The following TBR1 variants were observed in gnomAD, a reference collection of about 807,000 sequenced individuals.
The protein encoded by TBR1 is T-box brain protein 1.
TBR1 carries 7 observed loss-of-function variants against 60.3 expected under a neutral mutation model. The ratio of observed to expected loss-of-function variants is 0.12; its 90% CI spans 0.07 to 0.22. TBR1 has a LOEUF of 0.22. Among genes scored for constraint, TBR1 ranks in the 10% least tolerant of loss-of-function variants. The pLI, the probability that TBR1 is intolerant of heterozygous loss-of-function variation, is 1.00. For synonymous variants in TBR1, 417 were observed against 409.9 expected, an observed-to-expected ratio of 1.02 and a Z score of -0.21; for missense variants, 616 against 936.8, an observed-to-expected ratio of 0.66 and a Z score of 4.47.
chr2:161,424,079 A>C lies in TBR1; in HGVS notation c.1901A>C (p.Gln634Pro). The part of the protein sequence containing the change: ...IDSSDSGIYE[Q>P]AKRRRISPAD... ...TCCAGCGACTCGGGGATTTACGAGC[A>C]GGCCAAGCGGAGGCGGATCTCGCCG... Residue 634 changes from glutamine to proline, a missense_variant, in exon 6 of 6, where the codon CAG becomes CCG. This residue lies in a region of TBR1 where 210 missense variants were observed against 297.4 expected (regional missense o/e 0.71). Transcript: ENST00000389554. This position sits in a 1 kb window ranked among gnomAD's most constrained non-coding sequence, Gnocchi z 4.4. 1 of 1,611,516 alleles carries C rather than the reference A, an allele frequency of 6.2e-7. No individual in the cohort carries two copies. Among genetic ancestry groups the C allele is most frequent in the Non-Finnish European group, 8.5e-7 (1 of 1,179,214 alleles).
Position 161,416,356 on chromosome 2 carries a change from T to C in TBR1, c.-55T>C, listed in dbSNP as rs1684121639. On this transcript the variant is annotated 5_prime_UTR_variant, in exon 1 of 6. Coordinates refer to ENST00000389554, the MANE Select transcript of TBR1 (RefSeq NM_006593.4). This position sits in a 1 kb window ranked among gnomAD's most constrained non-coding sequence, Gnocchi z 6.1. Reference sequence around the variant, plus strand: ...GGGTCTGTGGATTTCTAGTTTATGATAAATAGGACTTTAAAAACCAGGGAC... The same window carrying C: ...GGGTCTGTGGATTTCTAGTTTATGACAAATAGGACTTTAAAAACCAGGGAC... The C allele has an allele frequency of 1.4e-6, 2 of 1,395,668 alleles. No individual in the cohort carries two copies. The highest frequency in any genetic ancestry group is 2.0e-6 in the Non-Finnish European group (2 of 1,025,034). The allele number at this position is 1,395,668 out of a possible 1,614,324, so 86.5% of individuals were successfully genotyped here. A position where few individuals can be genotyped will look rare whatever the true frequency, so the allele number is the denominator to read the frequency against.
chr2:161,418,742 C>A, intron 3 of TBR1, 150 bp from the exon 4 acceptor site: 1 of 1,103,852 alleles, frequency 9.1e-7, no homozygotes, highest in Non-Finnish European at 1.3e-6. Flanking sequence ...AGCCAGCCGC[C>A]AGCCAGGCGA....
chr2:161,423,033 G>A (rs937459461), intron 5 of TBR1: 13 of 243,676 alleles, frequency 5.3e-5, no homozygotes, highest in African/African-American at 2.9e-4. Flanking sequence ...TGGAGAAGTG[G>A]GATGAAAGTC....
At position 161,424,809 on chromosome 2, in the gene TBR1, G is replaced by C. The variant is rs1684296029; in HGVS notation, c.*582G>C. 6.6e-6 allele frequency: 1 copy of C among 152,608 alleles called. No homozygotes were observed. Among genetic ancestry groups the C allele is most frequent in the South Asian group, 2.1e-4 (1 of 4,830 alleles). 9.5% of individuals were successfully genotyped at this position (152,608 alleles called of 1,614,324 possible). ...TAACGAATGGCTAGTTTTTATTCTC[G>C]TCAAGGCACAAAACCAGTTCATGCT... On this transcript the variant is annotated 3_prime_UTR_variant, in exon 6 of 6. Transcript: ENST00000389554. The surrounding 1 kb of genome is among the most constrained non-coding windows in gnomAD (Gnocchi z 4.4).
chr2:161,418,319 G>A lies in TBR1; in HGVS notation c.966G>A (p.Gly322=), dbSNP rs773577523. Residue 322 remains glycine (G), a synonymous_variant, in exon 3 of 6, where the codon GGG becomes GGA. Coordinates refer to ENST00000389554, the MANE Select transcript of TBR1 (RefSeq NM_006593.4). The stretch of plus-strand genomic sequence containing the variant: ...ACAAAGGAGCTTCAAATAACAATGG[G>A]CAGGTCAGTGGCTCAAGCGCTCGTG... ...TNNKGASNNN[G]QMVVLQSLHK... 1 of 1,613,304 alleles carries A rather than the reference G, an allele frequency of 6.2e-7. No homozygotes were observed. The highest frequency in any genetic ancestry group is 1.1e-5 in the South Asian group (1 of 90,880).
chr2:161,417,383 C>A lies in TBR1; in HGVS notation c.692+281C>A, dbSNP rs1684141255. On this transcript the variant is annotated intron_variant, in intron 1 of 5. Transcript: ENST00000389554. This position sits in a 1 kb window ranked among gnomAD's most constrained non-coding sequence, Gnocchi z 5.3. ...GCCAGCGGCTGGGCGATGGGAGGGACGCATCAACACTGGCATGCACGGACA... is the reference window on the plus strand; with the variant it reads ...GCCAGCGGCTGGGCGATGGGAGGGAAGCATCAACACTGGCATGCACGGACA... The A allele has an allele frequency of 5.4e-6, 3 of 552,462 alleles. No homozygotes were observed. The highest frequency in any genetic ancestry group is 3.4e-5 in the Admixed American group (1 of 29,100). 34.2% of individuals were successfully genotyped at this position (552,462 alleles called of 1,614,324 possible). A position where few individuals can be genotyped will look rare whatever the true frequency, so the allele number is the denominator to read the frequency against.
At position 161,424,123 on chromosome 2, in the gene TBR1, G is replaced by C. The variant is rs753825497; in HGVS notation, c.1945G>C (p.Glu649Gln). ...RISPADTPVSESSSPLKSEVL... is the reference protein window; with the variant it reads ...RISPADTPVSQSSSPLKSEVL... ...CTCGCCGGCCGACACGCCCGTGTCCGAGAGTTCGTCCCCGCTCAAGAGCGA... is the reference window on the plus strand; with the variant it reads ...CTCGCCGGCCGACACGCCCGTGTCCCAGAGTTCGTCCCCGCTCAAGAGCGA... The change falls in exon 6 of 6, where the codon GAG (glutamate) becomes CAG (glutamine). Residue 649 changes from glutamate to glutamine, a missense_variant. Coordinates refer to ENST00000389554, the MANE Select transcript of TBR1 (RefSeq NM_006593.4). The surrounding 1 kb of genome is among the most constrained non-coding windows in gnomAD (Gnocchi z 4.4). 1 of 1,612,748 alleles carries C rather than the reference G, an allele frequency of 6.2e-7. No individual in the cohort carries two copies.
In TBR1 at chr2:161,417,597, C is replaced by T. The variant is rs1238087835; in HGVS notation, c.693-79C>T. ...ACAAGTTTTGCTTTGCTAACTGGCG[C>T]CCCGCTTCTTGCATTTAATCTTTAA... On this transcript the variant is annotated intron_variant, in intron 1 of 5. Transcript: ENST00000389554. This position sits in a 1 kb window ranked among gnomAD's most constrained non-coding sequence, Gnocchi z 5.3. The T allele has an allele frequency of 6.6e-6, 10 of 1,525,064 alleles. No individual in the cohort carries two copies. Among genetic ancestry groups the T allele is most frequent in the Admixed American group, 2.1e-5 (1 of 48,294 alleles). The allele number at this position is 1,525,064 out of a possible 1,614,324, so 94.5% of individuals were successfully genotyped here.
chr2:161,418,065 A>G (rs950989388), intron 2 of TBR1, 136 bp from the exon 3 acceptor site: 1 of 1,465,430 alleles, frequency 6.8e-7, no homozygotes, highest in African/African-American at 1.4e-5. Context: ...AGCCCCAGTT[A>G]ATGGGCTTCA....
intron 5 of TBR1, 200 bp from the exon 6 acceptor site, chr2:161,423,169 T>A: frequency 2.2e-6 from 1 of 444,608 alleles, no homozygotes; most frequent in Non-Finnish European, 3.9e-6. Context: ...GGCTCCTCTA[T>A]AATTCCGTGA....
At position 161,424,307 on chromosome 2, in the gene TBR1, C is replaced by T; in HGVS notation, c.*80C>T. On this transcript the variant is annotated 3_prime_UTR_variant, in exon 6 of 6. Transcript: ENST00000389554. This position sits in a 1 kb window ranked among gnomAD's most constrained non-coding sequence, Gnocchi z 4.4. The stretch of plus-strand genomic sequence containing the variant: ...CAGCTCTTCCCCAGCTCCGCCTCCC[C>T]ACACTCCTCCTTGCGCACCCACTCA... 1 of 1,400,846 alleles carries T rather than the reference C, an allele frequency of 7.1e-7. No homozygotes were observed. The highest frequency in any genetic ancestry group is 1.4e-5 in the South Asian group (1 of 70,716). 86.8% of individuals were successfully genotyped at this position (1,400,846 alleles called of 1,614,324 possible).
At chr2:161,418,467 C>A in intron 3 of TBR1, 145 bp downstream of exon 3, 1 of 1,215,258 alleles carries the variant, frequency 8.2e-7, no homozygotes, top group Non-Finnish European at 1.1e-6. Context: ...TTCCACCCTC[C>A]AAATTTATAT....
Position 161,424,153 on chromosome 2 carries a change from C to T in TBR1, c.1975C>T (p.Leu659=). 1 of 1,613,164 alleles carries T rather than the reference C, an allele frequency of 6.2e-7. No individual in the cohort carries two copies. The highest frequency in any genetic ancestry group is 1.1e-5 in the South Asian group (1 of 90,832). ...TTCGTCCCCGCTCAAGAGCGAGGTG[C>T]TGGCCCAGCGGGACTGCGAGAAGAA... ...ESSSPLKSEV[L]AQRDCEKNCA... Residue 659 remains leucine (L), a synonymous_variant, in exon 6 of 6, where the codon CTG becomes TTG. Coordinates refer to ENST00000389554, the MANE Select transcript of TBR1 (RefSeq NM_006593.4). The surrounding 1 kb of genome is among the most constrained non-coding windows in gnomAD (Gnocchi z 4.4).
In TBR1 at chr2:161,416,547, T is replaced by C. The variant is rs750541078; in HGVS notation, c.137T>C (p.Leu46Pro). Residue 46 changes from leucine (L) to proline (P), a missense_variant, in exon 1 of 6, where the codon CTG becomes CCG. Leu to Pro is a moderately conservative substitution (Grantham distance 98). Around this residue, in one of 8 missense-constraint regions of TBR1, gnomAD observed 211 missense variants for 268.7 expected, o/e 0.79. Transcript: ENST00000389554. This position sits in a 1 kb window ranked among gnomAD's most constrained non-coding sequence, Gnocchi z 6.1. ...DHPIISTTDN[L>P]ERSSPLKKIT... is the part of the protein sequence containing the mutation. ...CCCATTATCTCGACCACTGACAACCTGGAGAGAAGTTCACCTTTGAAAAAA... is the reference window on the plus strand; with the variant it reads ...CCCATTATCTCGACCACTGACAACCCGGAGAGAAGTTCACCTTTGAAAAAA... 6.2e-7 allele frequency: 1 copy of C among 1,614,138 alleles called. No individual in the cohort carries two copies. Among genetic ancestry groups the C allele is most frequent in the East Asian group, 2.2e-5 (1 of 44,882 alleles).
chr2:161,418,652 G>C (rs111959365), intron 3 of TBR1: 5 of 574,022 alleles, frequency 8.7e-6, no homozygotes, highest in East Asian at 3.3e-5. Context: ...CCTGAGGATC[G>C]GGCGGTCGGC....
At chr2:161,421,884 C>T (rs1381642490) in intron 5 of TBR1, 2 of 151,960 alleles carry the variant, frequency 1.3e-5, no homozygotes, top group Admixed American at 6.6e-5. Flanking sequence ...GGAAAAGCCA[C>T]TCCTCTTTGA....
chr2:161,423,509 G>A lies in TBR1; in HGVS notation c.1331G>A (p.Arg444His). 6.3e-7 allele frequency: 1 copy of A among 1,589,808 alleles called. No individual in the cohort carries two copies. The highest frequency in any genetic ancestry group is 8.5e-7 in the Non-Finnish European group (1 of 1,170,166). Residue 444 changes from arginine to histidine, a missense_variant, in exon 6 of 6, where the codon CGC (arginine) becomes CAC (histidine). Around this residue, in one of 8 missense-constraint regions of TBR1, gnomAD observed 80 missense variants for 75.3 expected, o/e 1.06. Coordinates refer to ENST00000389554, the MANE Select transcript of TBR1 (RefSeq NM_006593.4). ...DQFVSNYAKA[R>H]FHPGAGAGPG... ...TTCGTGAGCAACTACGCCAAGGCCCGCTTCCACCCGGGCGCGGGCGCGGGC... is the reference window on the plus strand; with the variant it reads ...TTCGTGAGCAACTACGCCAAGGCCCACTTCCACCCGGGCGCGGGCGCGGGC...
At position 161,424,311 on chromosome 2, in the gene TBR1, C is replaced by T. The variant is rs958972807; in HGVS notation, c.*84C>T. Reference sequence around the variant, plus strand: ...TCTTCCCCAGCTCCGCCTCCCCACACTCCTCCTTGCGCACCCACTCATTTT... The same window carrying T: ...TCTTCCCCAGCTCCGCCTCCCCACATTCCTCCTTGCGCACCCACTCATTTT... On this transcript the variant is annotated 3_prime_UTR_variant, in exon 6 of 6. Transcript: ENST00000389554. This position sits in a 1 kb window ranked among gnomAD's most constrained non-coding sequence, Gnocchi z 4.4. 1 of 1,379,644 alleles carries T rather than the reference C, an allele frequency of 7.2e-7. No homozygotes were observed. Among genetic ancestry groups the T allele is most frequent in the Non-Finnish European group, 9.8e-7 (1 of 1,024,328 alleles). The allele number at this position is 1,379,644 out of a possible 1,614,324, so 85.5% of individuals were successfully genotyped here.
chr2:161,421,937 T>TACAC (rs1219213649), intron 5 of TBR1: 3,896 of 147,856 alleles, frequency 0.026, 52 homozygotes, highest in Middle Eastern at 0.051. Flanking sequence ...TCTTTATCTA[T>TACAC]ACACACACAC....
Sources: allele counts gnomAD v4.1 joint callset, GRCh38; gene constraint gnomAD v4.1.1; regional missense constraint gnomAD v4.1.1; non-coding constraint Gnocchi (gnomAD v3.1); transcripts MANE v1.5; gene names NCBI Gene and HGNC (gene_info 2026-07-23, HGNC 2026-07-21).